The following TACR1 variants were observed in gnomAD, a reference collection of about 807,000 sequenced individuals.
TACR1 encodes tachykinin receptor 1.
TACR1 carries 25 observed loss-of-function variants against 35.8 expected under a neutral mutation model. The ratio of observed to expected loss-of-function variants is 0.70; its 90% CI spans 0.51 to 0.98. TACR1 has a LOEUF of 0.98. TACR1 is among the 50% of genes least tolerant of loss of function. TACR1 has a pLI of 0.00. For missense variants in TACR1, 478 were observed against 522.9 expected (o/e 0.91, Z 0.84); for synonymous variants, 195 against 206.7 (o/e 0.94, Z 0.48).
intron 1 of TACR1, among the ~76,000 whole-genome samples, chr2:75,124,071 C>A (rs1237422185): frequency 6.6e-6 from 1 of 152,142 alleles, no homozygotes; most frequent in Admixed American, 6.5e-5. Context: ...AGGCTGCCAG[C>A]GACAGGGATC....
intron 2 of TACR1, among the ~76,000 whole-genome samples, chr2:75,066,531 A>T (rs1441366064): frequency 6.6e-6 from 1 of 152,242 alleles, no homozygotes; most frequent in African/African-American, 2.4e-5. Context: ...CCCAGGATTG[A>T]AATTCATCTA....
At chr2:75,076,724 A>G (rs1339796700) in intron 2 of TACR1, among the ~76,000 whole-genome samples, 2 of 152,068 alleles carry the variant, frequency 1.3e-5, no homozygotes, top group Non-Finnish European at 2.9e-5. Flanking sequence ...CACTGGGGCA[A>G]CGTTAGCCAA....
chr2:75,076,745 G>T (rs183683334), intron 2 of TACR1, among the ~76,000 whole-genome samples: 4 of 152,266 alleles, frequency 2.6e-5, no homozygotes, highest in Admixed American at 2.6e-4. Context: ...GGTGCTGCTT[G>T]TCTCTACATC....
Position 75,049,451 on chromosome 2 carries a change from G to T in TACR1, c.1205C>A (p.Ser402Tyr). The change falls in exon 5 of 5, where the codon TCC becomes TAC. Residue 402 changes from serine (S) to tyrosine (Y), a missense_variant. Coordinates refer to ENST00000305249, the MANE Select transcript of TACR1 (RefSeq NM_001058.4). The stretch of plus-strand genomic sequence containing the variant: ...TGTGGCCTAGGAGAGCACATTGGAG[G>T]AGAAGCTGAAGCTCTCTGTCATGGT... ...SKTMTESFSF[S>Y]SNVLS is the part of the protein sequence containing the mutation. 6.2e-7 allele frequency: 1 copy of T among 1,613,716 alleles called. No homozygotes were observed. Among genetic ancestry groups the T allele is most frequent in the South Asian group, 1.1e-5 (1 of 91,080 alleles).
intron 1 of TACR1, among the ~76,000 whole-genome samples, chr2:75,157,189 C>T (rs1421671474): frequency 6.6e-6 from 1 of 152,060 alleles, no homozygotes; most frequent in Non-Finnish European, 1.5e-5. Flanking sequence ...GAAGGAAAGG[C>T]ACCACCGTGG....
At chr2:75,125,817 T>A (rs2103919310) in intron 1 of TACR1, among the ~76,000 whole-genome samples, 1 of 152,336 alleles carries the variant, frequency 6.6e-6, no homozygotes, top group African/African-American at 2.4e-5. Flanking sequence ...CAGAATTTTT[T>A]ATCTCTTGAC....
chr2:75,109,314 GC>G (rs1444212542), intron 2 of TACR1, among the ~76,000 whole-genome samples: 7 of 152,214 alleles, frequency 4.6e-5, no homozygotes. Context: ...TCCTCAGGCT[GC>G]TCCTGTACAG....
intron 2 of TACR1, among the ~76,000 whole-genome samples, chr2:75,110,045 T>G (rs1055284691): frequency 1.3e-5 from 2 of 152,316 alleles, no homozygotes; most frequent in African/African-American, 2.4e-5. Context: ...TATACATGTC[T>G]TCTGGTGCGG....
At chr2:75,073,730 G>A (rs1672924979) in intron 2 of TACR1, among the ~76,000 whole-genome samples, 1 of 152,176 alleles carries the variant, frequency 6.6e-6, no homozygotes, top group Admixed American at 6.5e-5. Flanking sequence ...AAATCCTCCT[G>A]CCATTTGCCG....
At chr2:75,051,562 TAA>T (rs1672471889) in intron 3 of TACR1, 115 bp from the exon 4 acceptor site, 2 of 1,509,966 alleles carry the variant, frequency 1.3e-6, no homozygotes, top group Non-Finnish European at 1.8e-6. Flanking sequence ...GAGAAGTATT[TAA>T]AAGACGCCCC....
rs1212197839 is a variant in TACR1 at position 75,048,875 on chromosome 2, G to A, written c.*557C>T. On this transcript the variant is annotated 3_prime_UTR_variant, in exon 5 of 5. Transcript: ENST00000305249. Reference sequence around the variant, plus strand: ...ATGTATAAATGTACTGAAATACTGAGATGCCAAAAAGGGGAATACATATGT... The same window carrying A: ...ATGTATAAATGTACTGAAATACTGAAATGCCAAAAAGGGGAATACATATGT... The A allele has an allele frequency of 6.5e-6, 1 of 153,196 alleles. No homozygotes were observed. The highest frequency in any genetic ancestry group is 2.4e-5 in the African/African-American group (1 of 41,442). 9.5% of individuals were successfully genotyped at this position (153,196 alleles called of 1,614,324 possible).
intron 2 of TACR1, among the ~76,000 whole-genome samples, chr2:75,113,731 G>C (rs1339506476): frequency 6.6e-6 from 1 of 151,784 alleles, no homozygotes; most frequent in Non-Finnish European, 1.5e-5. Flanking sequence ...GGGTGTCAGG[G>C]GAAGAGAGTA....
At chr2:75,063,054 G>A (rs1672700413) in intron 2 of TACR1, among the ~76,000 whole-genome samples, 1 of 152,152 alleles carries the variant, frequency 6.6e-6, no homozygotes, top group Non-Finnish European at 1.5e-5. Context: ...AGAAAAACTT[G>A]TGCAGGGAAA....
At chr2:75,101,276 A>C (rs1157770340) in intron 2 of TACR1, among the ~76,000 whole-genome samples, 1 of 152,170 alleles carries the variant, frequency 6.6e-6, no homozygotes, top group African/African-American at 2.4e-5. Context: ...AATAAAAATG[A>C]TGTAAGCATC....
chr2:75,158,841 G>A (rs1012757750), intron 1 of TACR1, among the ~76,000 whole-genome samples: 3 of 152,228 alleles, frequency 2.0e-5, no homozygotes, highest in East Asian at 1.9e-4. Flanking sequence ...GAACTCAAAC[G>A]GTCCCATGTC....
intron 2 of TACR1, among the ~76,000 whole-genome samples, chr2:75,082,255 C>CT (rs1224221818): frequency 1.3e-5 from 2 of 152,056 alleles, no homozygotes; most frequent in East Asian, 3.9e-4. Flanking sequence ...TGAACTCATC[C>CT]TTTTTTATGG....
In TACR1 at chr2:75,095,504, G is replaced by T. The variant is rs79809954; in HGVS notation, c.584+25070C>A. On this transcript the variant is annotated intron_variant, in intron 2 of 4. Coordinates refer to ENST00000305249, the MANE Select transcript of TACR1 (RefSeq NM_001058.4). The stretch of plus-strand genomic sequence containing the variant: ...GATCAGCATGGAGGGAGGGCGTTTC[G>T]AGAGGGAAGAAAGCAGGGGCTGAGG... Among the ~76,000 whole-genome samples the T allele has an allele frequency of 4.5e-3, 688 of 152,294 alleles. 7 individuals carry two copies. Among genetic ancestry groups the T allele is most frequent in the African/African-American group, 0.016 (666 of 41,560 alleles).
At chr2:75,072,930 A>G (rs1390342881) in intron 2 of TACR1, among the ~76,000 whole-genome samples, 1 of 151,182 alleles carries the variant, frequency 6.6e-6, no homozygotes, top group Non-Finnish European at 1.5e-5. Flanking sequence ...TCTGCCAGAT[A>G]AAAACATTAA....
intron 2 of TACR1, among the ~76,000 whole-genome samples, chr2:75,094,147 G>C (rs1351819144): frequency 6.6e-6 from 1 of 152,208 alleles, no homozygotes; most frequent in Non-Finnish European, 1.5e-5. Context: ...TGACAATGCT[G>C]TTGGTGCTGA....
Sources: gnomAD v4.1 joint callset for allele counts (sites outside exome capture counted in the v4.1 genomes callset) on GRCh38, gnomAD v4.1.1 for gene constraint, MANE v1.5 for transcripts, NCBI Gene and HGNC (gene_info 2026-07-23, HGNC 2026-07-21) for gene names.